Variants in ADGRB2 observed in about 807,000 individuals in gnomAD.
ADGRB2 encodes the protein adhesion G protein-coupled receptor B2, also known as brain-specific angiogenesis inhibitor 2.
Under a neutral mutation model 178.7 loss-of-function variants are expected in ADGRB2, and 47 were observed. The observed-to-expected ratio is 0.26, with a 90% CI of 0.21 to 0.34. ADGRB2 has a LOEUF of 0.34. ADGRB2 is among the 10% of genes least tolerant of loss of function. The pLI is 1.00. For synonymous variants in ADGRB2, 870 were observed against 912.4 expected (o/e 0.95, Z 0.84); for missense variants, 1,584 against 2,180.8 (o/e 0.73, Z 5.45).
chr1:31,756,699 A>G lies in ADGRB2; in HGVS notation c.138T>C (p.Gly46=), dbSNP rs1437516322. 1 of 1,604,246 alleles carries G rather than the reference A, an allele frequency of 6.2e-7. No individual in the cohort carries two copies. The highest frequency in any genetic ancestry group is 1.7e-5 in the Admixed American group (1 of 58,484). ...GCAGCGAGAAGGCCCCGTAGAGCAC[A>G]CCCGAGGCCAGGGCAGAGCAGGCAC... ...APSACSALAS[G]VLYGAFSLQD... The change falls in exon 4 of 33, where the codon GGT becomes GGC. Residue 46 remains glycine (G), a synonymous_variant. Transcript: ENST00000373658. This position sits in a 1 kb window ranked among gnomAD's most constrained non-coding sequence, Gnocchi z 8.5.
In ADGRB2 at chr1:31,737,777, T is replaced by C. The variant is rs891797822; in HGVS notation, c.2773-22A>G. ...GGGTCTGGGGAAGATGGGCAGACAG[T>C]CAGATGGGTTCCTGGGAGGGGGGAG... On this transcript the variant is annotated intron_variant, in intron 18 of 32. Transcript: ENST00000373658. The C allele has an allele frequency of 3.1e-6, 5 of 1,607,624 alleles. No individual in the cohort carries two copies. The Admixed American group carries it at 5.0e-5, about 16-fold the overall frequency.
intron 1 of ADGRB2, 41 bp from the exon 2 acceptor site, chr1:31,757,552 T>C: frequency 3.1e-6 from 1 of 322,684 alleles, no homozygotes; most frequent in Non-Finnish European, 5.8e-6. Context: ...TAAGGGGACA[T>C]TGGGCTTGAG....
rs1646191656 is a variant in ADGRB2, at chr1:31,744,817, C to G, written c.839-86G>C. On this transcript the variant is annotated intron_variant, in intron 4 of 32. Transcript: ENST00000373658. The surrounding 1 kb of genome is among the most constrained non-coding windows in gnomAD (Gnocchi z 6.7). ...CACAGTGAAGGCAGCCTTCCTTGCC[C>G]TCCGCCTGAGGGCCTGGAACCAACT... is the stretch of plus-strand genomic sequence containing the variant. 1 of 1,416,348 alleles carries G rather than the reference C, an allele frequency of 7.1e-7. No individual in the cohort carries two copies. Among genetic ancestry groups the G allele is most frequent in the South Asian group, 1.2e-5 (1 of 84,996 alleles). The allele number at this position is 1,416,348 out of a possible 1,614,324, so 87.7% of individuals were successfully genotyped here. A position where few individuals can be genotyped will look rare whatever the true frequency, so the allele number is the denominator to read the frequency against.
chr1:31,731,009 G>A lies in ADGRB2; in HGVS notation c.4171C>T (p.His1391Tyr). 1.3e-6 allele frequency: 2 copies of A among 1,579,066 alleles called. No individual in the cohort carries two copies. Among genetic ancestry groups the A allele is most frequent in the South Asian group, 2.3e-5 (2 of 86,338 alleles). Residue 1391 changes from histidine to tyrosine, a missense_variant, in exon 29 of 33, where the codon CAC becomes TAC. His to Tyr is a moderately conservative substitution (Grantham distance 83). Transcript: ENST00000373658. ...TPRRAAKTVA[H>Y]TEGYPSFLSV... ...AGGAAGCTGGGGTAGCCTTCAGTGT[G>A]GGCCACTGTCTTGGCAGCTCGCCGG... is the stretch of plus-strand genomic sequence containing the variant.
At position 31,742,205 on chromosome 1, in the gene ADGRB2, C is replaced by T; in HGVS notation, c.1265G>A (p.Trp422Ter). The T allele has an allele frequency of 6.2e-7, 1 of 1,604,494 alleles. No individual in the cohort carries two copies. The highest frequency in any genetic ancestry group is 8.5e-7 in the Non-Finnish European group (1 of 1,174,834). ...SMAACPVEGQ[W>*]LEWGPWGPCS... ...TGGGCCCCAGGGACCCCATTCTAAC[C>T]ACTGGCCTTCCACTGCATGGGGAGA... The change falls in exon 8 of 33, where the codon TGG (tryptophan) becomes TAG (stop). Residue 422 changes from tryptophan to a stop codon, truncating the protein, a stop_gained. Coordinates refer to ENST00000373658, the MANE Select transcript of ADGRB2 (RefSeq NM_001364857.2). LOFTEE classifies it high-confidence loss of function.
chr1:31,741,856 TA>T lies in ADGRB2; in HGVS notation c.1528del (p.Tyr510ThrfsTer10). The T allele has an allele frequency of 6.2e-7, 1 of 1,609,680 alleles. No homozygotes were observed. On this transcript the variant is annotated frameshift_variant, in exon 9 of 33. Transcript: ENST00000373658. LOFTEE classifies it high-confidence loss of function. This position sits in a 1 kb window ranked among gnomAD's most constrained non-coding sequence, Gnocchi z 6.5. Reference protein sequence around the residue: ...RMCQATGTQGYPCEGTGEEVK... With the variant: ...RMCQATGTQGXPCEGTGEEVK... ...CTCCTCTCCGGTGCCCTCGCAGGGGTAGCCCTGCGTGCCCGTGGCCTGGCAC... is the reference window on the plus strand; with the variant it reads ...CTCCTCTCCGGTGCCCTCGCAGGGGTGCCCTGCGTGCCCGTGGCCTGGCAC...
chr1:31,735,619 C>T lies in ADGRB2; in HGVS notation c.3314G>A (p.Arg1105His), dbSNP rs902839902. The change falls in exon 24 of 33, where the codon CGT becomes CAT. Residue 1105 changes from arginine to histidine, a missense_variant. Arg to His is a conservative substitution (Grantham distance 29, BLOSUM62 0). Transcript: ENST00000373658. This position sits in a 1 kb window ranked among gnomAD's most constrained non-coding sequence, Gnocchi z 6.0. ...CTTGGATTTGTCGGAGATGCCATCA[C>T]GTGCCATGAGCTTGTTGAAGACGAT... The part of the protein sequence containing the change: ...GIIVFNKLMA[R>H]DGISDKSKKQ... 7.4e-6 allele frequency: 12 copies of T among 1,613,250 alleles called. No homozygotes were observed. The highest frequency in any genetic ancestry group is 3.3e-5 in the South Asian group (3 of 90,938).
intron 4 of ADGRB2, among the ~76,000 whole-genome samples, chr1:31,752,213 C>T (rs1646610993): frequency 6.6e-6 from 1 of 152,220 alleles, no homozygotes. Flanking sequence ...CTGGCACAAA[C>T]TCTACTCTGA....
chr1:31,763,889 C>A lies in ADGRB2; in HGVS notation c.-196G>T. ...GTCTGGGGCCGAGCACTCACCTGGG[C>A]GCCGTCAGCAGCAGGAGCGGGGGCC... On this transcript the variant is annotated 5_prime_UTR_variant, in exon 1 of 33. Transcript: ENST00000373658. The A allele has an allele frequency of 1.0e-6, 1 of 985,284 alleles. No individual in the cohort carries two copies. The highest frequency in any genetic ancestry group is 5.2e-4 in the Middle Eastern group (1 of 1,912). The allele number at this position is 985,284 out of a possible 1,614,324, so 61.0% of individuals were successfully genotyped here.
chr1:31,763,085 T>C (rs1323784939), intron 1 of ADGRB2, among the ~76,000 whole-genome samples: 1 of 152,010 alleles, frequency 6.6e-6, no homozygotes, highest in Non-Finnish European at 1.5e-5. Context: ...CCCAGCTCTA[T>C]GACCAGGGGT....
intron 25 of ADGRB2, among the ~76,000 whole-genome samples, chr1:31,734,420 G>A (rs547197790): frequency 4.6e-5 from 7 of 152,314 alleles, no homozygotes; most frequent in African/African-American, 1.4e-4. Context: ...TAGTGCAGAC[G>A]GGGTGAGGGA....
In ADGRB2 at chr1:31,740,645, G is replaced by A; in HGVS notation, c.1795-104C>T. The A allele has an allele frequency of 9.4e-6, 12 of 1,277,532 alleles. No homozygotes were observed. Among genetic ancestry groups the A allele is most frequent in the Non-Finnish European group, 1.3e-5 (12 of 945,648 alleles). The allele number at this position is 1,277,532 out of a possible 1,614,324, so 79.1% of individuals were successfully genotyped here. On this transcript the variant is annotated intron_variant, in intron 11 of 32. Coordinates refer to ENST00000373658, the MANE Select transcript of ADGRB2 (RefSeq NM_001364857.2). This position sits in a 1 kb window ranked among gnomAD's most constrained non-coding sequence, Gnocchi z 5.9. ...CCCACTGCTTGCATCCACGGGGAGA[G>A]AAAGGGGGAAAAGGTCAGAGAGGCT... is the stretch of plus-strand genomic sequence containing the variant.
At chr1:31,762,337 A>G (rs1647064428) in intron 1 of ADGRB2, among the ~76,000 whole-genome samples, 1 of 152,072 alleles carries the variant, frequency 6.6e-6, no homozygotes, top group South Asian at 2.1e-4. Flanking sequence ...TCACCCCAGT[A>G]GCAGTGCAGA....
intron 14 of ADGRB2, 104 bp from the exon 15 acceptor site, chr1:31,739,739 T>C: frequency 7.3e-7 from 1 of 1,361,552 alleles, no homozygotes. Context: ...CCAGGAAAGG[T>C]AGATGTGGAC....
At chr1:31,760,371 G>A (rs372965236) in intron 1 of ADGRB2, among the ~76,000 whole-genome samples, 1 of 152,130 alleles carries the variant, frequency 6.6e-6, no homozygotes, top group African/African-American at 2.4e-5. Context: ...GCAAACCCAA[G>A]AATCTCACTC....
At position 31,759,370 on chromosome 1, in the gene ADGRB2, C is replaced by T. The variant is rs776290848; in HGVS notation, c.-190-1859G>A. The T allele has an allele frequency of 1.5e-5, 12 of 779,580 alleles. No individual in the cohort carries two copies. The highest frequency in any genetic ancestry group is 2.2e-4 in the Middle Eastern group (1 of 4,464). 48.3% of individuals were successfully genotyped at this position (779,580 alleles called of 1,614,324 possible). On this transcript the variant is annotated intron_variant, in intron 1 of 32. Coordinates refer to ENST00000373658, the MANE Select transcript of ADGRB2 (RefSeq NM_001364857.2). The surrounding 1 kb of genome is among the most constrained non-coding windows in gnomAD (Gnocchi z 4.3). ...CAGCATATGACAGCTAAGTGTCAGG[C>T]AGGATCCTCTGCGGGGTCTTCCTTT...
At chr1:31,738,970 A>G (rs1421555323) in intron 15 of ADGRB2, 33 bp from the exon 16 acceptor site, 1 of 1,547,540 alleles carries the variant, frequency 6.5e-7, no homozygotes, top group Non-Finnish European at 8.8e-7. Context: ...AGCTCCTGCC[A>G]GCGGGTGCCA....
chr1:31,731,391 G>A lies in ADGRB2; in HGVS notation c.3789C>T (p.Asn1263=). The change falls in exon 29 of 33, where the codon AAC becomes AAT. Residue 1263 remains asparagine, a synonymous_variant. Coordinates refer to ENST00000373658, the MANE Select transcript of ADGRB2 (RefSeq NM_001364857.2). The part of the protein sequence containing the change: ...TVLFKEVNTC[N]PSTITGTLSR... ...ATAGTGTGCCCGTGATGGTGGACGG[G>A]TTGCAAGTGTTGACCTCCTTGAACA... The A allele has an allele frequency of 6.2e-7, 1 of 1,607,160 alleles. No individual in the cohort carries two copies.
In ADGRB2 at chr1:31,753,247, C is replaced by T. The variant is rs1448735792; in HGVS notation, c.838+2752G>A. ...CCTTCCTGCCTGCCTTTCTTTTCTT[C>T]CTTTTCCCCCACTTAACAGATTGCG... On this transcript the variant is annotated intron_variant, in intron 4 of 32. Transcript: ENST00000373658. This position sits in a 1 kb window ranked among gnomAD's most constrained non-coding sequence, Gnocchi z 4.1. 2.0e-5 allele frequency among the ~76,000 whole-genome samples: 3 copies of T among 152,186 alleles called. No homozygotes were observed. The highest frequency in any genetic ancestry group is 2.1e-4 in the South Asian group (1 of 4,830).
Sources: allele counts gnomAD v4.1 joint callset (sites outside exome capture counted in the v4.1 genomes callset), GRCh38; gene constraint gnomAD v4.1.1; non-coding constraint Gnocchi (gnomAD v3.1); transcripts MANE v1.5; gene names NCBI Gene and HGNC (gene_info 2026-07-23, HGNC 2026-07-21).